Variants in CTNNA2 observed in about 807,000 individuals in gnomAD.
CTNNA2 encodes the protein catenin alpha 2, also known as catenin alpha-2.
A neutral mutation model predicts 101.0 loss-of-function variants in CTNNA2; 42 were observed. The ratio of observed to expected loss-of-function variants is 0.42; its 90% CI spans 0.32 to 0.54. The LOEUF (loss-of-function observed/expected upper bound fraction) is 0.54. Ranked by LOEUF, CTNNA2 falls within the 20% of genes least tolerant of loss-of-function variation. The pLI is 0.14. For synonymous variants in CTNNA2, 450 were observed against 456.4 expected (o/e 0.99, Z 0.18); for missense variants, 871 against 1,223.1 (o/e 0.71, Z 4.29).
intron 9 of CTNNA2, among the ~76,000 whole-genome samples, chr2:80,486,954 T>C (rs1686633772): frequency 6.6e-6 from 1 of 152,164 alleles, no homozygotes; most frequent in South Asian, 2.1e-4. Context: ...TATCTTTTCA[T>C]ATCTGCACAT....
chr2:80,123,417 A>T (rs565022870), intron 7 of CTNNA2, among the ~76,000 whole-genome samples: 4 of 150,154 alleles, frequency 2.7e-5, no homozygotes, highest in Non-Finnish European at 5.9e-5. Context: ...CTTAAAGAGG[A>T]TGGAGAACAT....
chr2:80,619,332 C>A lies in CTNNA2; in HGVS notation c.2574+104C>A. 4.7e-6 allele frequency: 6 copies of A among 1,282,438 alleles called. No individual in the cohort carries two copies. In the South Asian group the frequency reaches 1.5e-4, roughly 31 times the overall value. The allele number at this position is 1,282,438 out of a possible 1,614,324, so 79.4% of individuals were successfully genotyped here. ...GAAATAAAAATGTGCCCACTGAAGG[C>A]CTCTTAATATTAACCAACTTTGGGC... On this transcript the variant is annotated intron_variant, in intron 18 of 18. Transcript: ENST00000402739.
At chr2:79,468,247 G>C (rs531499762) in intron 4 of CTNNA2, among the ~76,000 whole-genome samples, 2 of 152,192 alleles carry the variant, frequency 1.3e-5, no homozygotes, top group African/African-American at 4.8e-5. Flanking sequence ...TGATAAAACA[G>C]ACTTTAAACC....
intron 4 of CTNNA2, among the ~76,000 whole-genome samples, chr2:79,471,655 G>A (rs1461218559): frequency 2.0e-5 from 3 of 151,950 alleles, no homozygotes; most frequent in African/African-American, 4.8e-5. Flanking sequence ...TGGCTAACAC[G>A]GTGAAACCCT....
intron 13 of CTNNA2, among the ~76,000 whole-genome samples, chr2:80,581,323 T>A (rs1695521156): frequency 6.6e-6 from 1 of 152,114 alleles, no homozygotes; most frequent in Non-Finnish European, 1.5e-5. Flanking sequence ...ATAATCAACT[T>A]TTTTGTTTAT....
At chr2:79,507,443 C>T (rs548498740) in intron 5 of CTNNA2, among the ~76,000 whole-genome samples, 4 of 152,206 alleles carry the variant, frequency 2.6e-5, no homozygotes, top group South Asian at 2.1e-4. Context: ...ATTCAGCCCC[C>T]TTCCTCTCCT....
intron 7 of CTNNA2, among the ~76,000 whole-genome samples, chr2:79,941,809 G>A (rs560411030): frequency 6.6e-6 from 1 of 152,052 alleles, no homozygotes; most frequent in Admixed American, 6.6e-5. Context: ...AGTAGAGGTG[G>A]GGTGTCACCA....
At chr2:80,226,446 G>A (rs1390718335) in intron 7 of CTNNA2, among the ~76,000 whole-genome samples, 20 of 152,310 alleles carry the variant, frequency 1.3e-4, no homozygotes, top group Admixed American at 1.3e-3. Flanking sequence ...CGTGGCAGGT[G>A]CCACATCGGC....
At chr2:79,855,054 C>T (rs1294916382) in intron 3 of CTNNA2, among the ~76,000 whole-genome samples, 1 of 152,162 alleles carries the variant, frequency 6.6e-6, no homozygotes, top group African/African-American at 2.4e-5. Context: ...CATGAAATCA[C>T]TTGTATCTGC....
At chr2:79,203,975 C>T (rs1674069380) in intron 2 of CTNNA2, among the ~76,000 whole-genome samples, 1 of 152,170 alleles carries the variant, frequency 6.6e-6, no homozygotes, top group Non-Finnish European at 1.5e-5. Context: ...TGTCTTTCAT[C>T]CTCTGTGACT....
chr2:80,429,805 G>A (rs1052231909), intron 9 of CTNNA2, among the ~76,000 whole-genome samples: 2 of 152,152 alleles, frequency 1.3e-5, no homozygotes, highest in African/African-American at 2.4e-5. Context: ...AGTTTGCATC[G>A]TTCATATCTG....
At position 79,824,918 on chromosome 2, in the gene CTNNA2, T is replaced by C. The variant is rs139069629; in HGVS notation, c.299-33095T>C. ...ATTAAATATATTTTAGTGCCAGGCA[T>C]AGTAGTTCACACCTGTAATCCCAGC... On this transcript the variant is annotated intron_variant, in intron 3 of 18. Coordinates refer to ENST00000402739, the MANE Select transcript of CTNNA2 (RefSeq NM_001282597.3). Among the ~76,000 whole-genome samples, 3 of 152,292 alleles carry C rather than the reference T, an allele frequency of 2.0e-5. No homozygotes were observed. The East Asian group carries it at 5.8e-4, about 29-fold the overall frequency.
At position 80,267,260 on chromosome 2, in the gene CTNNA2, G is replaced by A. The variant is rs1039623693; in HGVS notation, c.1057-125951G>A. 2.5e-4 allele frequency among the ~76,000 whole-genome samples: 38 copies of A among 152,216 alleles called. 1 individual carries two copies. Among genetic ancestry groups the A allele is most frequent in the Non-Finnish European group, 2.4e-4 (16 of 68,010 alleles). ...TGTATGTGGTGGTGAAGGGGGTGGG[G>A]ACACAACTTTGATAAATATGTCTAT... On this transcript the variant is annotated intron_variant, in intron 7 of 18. Coordinates refer to ENST00000402739, the MANE Select transcript of CTNNA2 (RefSeq NM_001282597.3).
chr2:79,667,226 G>T (rs1682483205), intron 2 of CTNNA2, among the ~76,000 whole-genome samples: 1 of 152,228 alleles, frequency 6.6e-6, no homozygotes, highest in Admixed American at 6.5e-5. Flanking sequence ...ACTGGTGGCA[G>T]CCTTCATGTT....
At chr2:79,411,874 GA>G (rs773252162) in intron 4 of CTNNA2, among the ~76,000 whole-genome samples, 6 of 152,042 alleles carry the variant, frequency 3.9e-5, no homozygotes, top group Non-Finnish European at 5.9e-5. Flanking sequence ...CATAATGACA[GA>G]ATCAAATTCA....
At chr2:80,574,121 G>A (rs1350863922) in intron 12 of CTNNA2, 42 bp from the exon 13 acceptor site, 1 of 1,585,188 alleles carries the variant, frequency 6.3e-7, no homozygotes, top group South Asian at 1.1e-5. Flanking sequence ...GAGGTAGTGA[G>A]AGAGAAATTG....
intron 4 of CTNNA2, among the ~76,000 whole-genome samples, chr2:79,388,738 T>C (rs955096608): frequency 2.0e-5 from 3 of 152,152 alleles, no homozygotes; most frequent in Non-Finnish European, 4.4e-5. Context: ...CAACTTACCT[T>C]TGAGTCCTAA....
In CTNNA2 at chr2:79,799,625, G is replaced by A. The variant is rs528021911; in HGVS notation, c.298+55043G>A. ...ATACATCTTTGGAACAGATAATGAA[G>A]CTTAGAAAGTGAGAGAGCAAAAAGA... is the stretch of plus-strand genomic sequence containing the variant. On this transcript the variant is annotated intron_variant, in intron 3 of 18. Transcript: ENST00000402739. 1.4e-4 allele frequency among the ~76,000 whole-genome samples: 22 copies of A among 152,208 alleles called. No individual in the cohort carries two copies. In the East Asian group the frequency reaches 3.7e-3, roughly 25 times the overall value.
intron 3 of CTNNA2, among the ~76,000 whole-genome samples, chr2:79,853,977 C>T (rs1356012215): frequency 6.6e-6 from 1 of 152,092 alleles, no homozygotes; most frequent in East Asian, 1.9e-4. Context: ...CCATGCCATC[C>T]TTTTCTTGTG....
Sources: allele counts gnomAD v4.1 joint callset (sites outside exome capture counted in the v4.1 genomes callset), GRCh38; gene constraint gnomAD v4.1.1; transcripts MANE v1.5; gene names NCBI Gene and HGNC (gene_info 2026-07-23, HGNC 2026-07-21).